The following TMED3 variants were observed in gnomAD, a reference collection of about 807,000 sequenced individuals.
The protein encoded by TMED3 is transmembrane emp24 domain-containing protein 3.
Under a neutral mutation model 15.0 loss-of-function variants are expected in TMED3, and 9 were observed. The ratio of observed to expected loss-of-function variants is 0.60; its 90% CI spans 0.36 to 1.04. The LOEUF (loss-of-function observed/expected upper bound fraction) is 1.04. Ranked by LOEUF, TMED3 falls within the 50% of genes least tolerant of loss-of-function variation. TMED3 has a pLI of 0.01. For missense variants in TMED3, 267 were observed against 278.9 expected, an observed-to-expected ratio of 0.96 and a Z score of 0.30; for synonymous variants, 117 against 121.4, an observed-to-expected ratio of 0.96 and a Z score of 0.24.
chr15:79,406,899 A>G (rs983613610), intron 2 of TMED3, among the ~76,000 whole-genome samples: 3 of 152,134 alleles, frequency 2.0e-5, no homozygotes, highest in African/African-American at 4.8e-5. Flanking sequence ...TGTCACATCA[A>G]TTTACTAGAG....
intron 2 of TMED3, among the ~76,000 whole-genome samples, chr15:79,339,702 G>A (rs996884218): frequency 1.3e-5 from 2 of 152,058 alleles, no homozygotes; most frequent in Admixed American, 1.3e-4. Flanking sequence ...GGTGATGGTA[G>A]TAATGGTGGT....
At chr15:79,357,296 G>A (rs1237047706) in intron 2 of TMED3, among the ~76,000 whole-genome samples, 1 of 151,306 alleles carries the variant, frequency 6.6e-6, no homozygotes, top group African/African-American at 2.4e-5. Flanking sequence ...ACCAGCCTGG[G>A]CCACATAGTG....
chr15:79,338,581 T>C (rs2058836424), intron 2 of TMED3, among the ~76,000 whole-genome samples: 1 of 152,224 alleles, frequency 6.6e-6, no homozygotes, highest in Non-Finnish European at 1.5e-5. Flanking sequence ...ATACCAGATA[T>C]AGATCTTAGA....
chr15:79,315,713 C>T (rs1323553446), intron 2 of TMED3, among the ~76,000 whole-genome samples: 1 of 152,210 alleles, frequency 6.6e-6, no homozygotes, highest in Non-Finnish European at 1.5e-5. Context: ...TGCTTAGCCT[C>T]AAAAGAGCCG....
intron 2 of TMED3, among the ~76,000 whole-genome samples, chr15:79,378,255 CATT>C (rs1178434430): frequency 2.0e-5 from 3 of 152,094 alleles, no homozygotes; most frequent in Admixed American, 2.0e-4. Context: ...ATTGATAAGT[CATT>C]ATTGAGTATT....
At chr15:79,349,125 A>C (rs541609177) in intron 2 of TMED3, among the ~76,000 whole-genome samples, 1 of 152,212 alleles carries the variant, frequency 6.6e-6, no homozygotes, top group Admixed American at 6.5e-5. Context: ...GGTGTGAGCC[A>C]CTGTGTCTGG....
chr15:79,375,906 C>T (rs1893415822), intron 2 of TMED3, among the ~76,000 whole-genome samples: 1 of 152,128 alleles, frequency 6.6e-6, no homozygotes, highest in Non-Finnish European at 1.5e-5. Context: ...GATGGTCAGA[C>T]CTGTTGTCCT....
intron 2 of TMED3, among the ~76,000 whole-genome samples, chr15:79,403,650 C>T (rs1344511567): frequency 6.6e-6 from 1 of 152,156 alleles, no homozygotes; most frequent in Non-Finnish European, 1.5e-5. Context: ...CCTACTAGTC[C>T]TGCTGGCATG....
intron 2 of TMED3, chr15:79,384,837 C>T (rs537011277): frequency 9.1e-4 from 138 of 152,206 alleles, no homozygotes; most frequent in African/African-American, 3.1e-3. Context: ...ACCTGGGTAA[C>T]ATAGTGAGAC....
At chr15:79,315,544 C>T (rs910077562) in intron 2 of TMED3, among the ~76,000 whole-genome samples, 2 of 152,148 alleles carry the variant, frequency 1.3e-5, no homozygotes, top group African/African-American at 4.8e-5. Flanking sequence ...GAAGAACTTC[C>T]CCCTTAACCA....
At chr15:79,353,199 T>TATAAAATTTTGTGTCTTTCAA (rs1304142449) in intron 2 of TMED3, among the ~76,000 whole-genome samples, 2 of 91,724 alleles carry the variant, frequency 2.2e-5, no homozygotes, top group Admixed American at 1.7e-4. Flanking sequence ...ATATAATATA[T>TATAAAATTTTGTGTCTTTCAA]AAAATATATA....
At chr15:79,406,839 A>T (rs4779080) in intron 2 of TMED3, among the ~76,000 whole-genome samples, 60,959 of 152,076 alleles carry the variant, frequency 0.4, 12,862 homozygotes, top group Middle Eastern at 0.57. Context: ...TGTTATGTTA[A>T]CACATCTTTC....
chr15:79,327,041 C>G (rs1421402600), downstream of TMED3, among the ~76,000 whole-genome samples: 1 of 152,090 alleles, frequency 6.6e-6, no homozygotes, highest in Non-Finnish European at 1.5e-5. Context: ...GTTTAGCAAC[C>G]AGCTCTTGTG....
At chr15:79,402,879 C>G (rs555730010) in intron 2 of TMED3, among the ~76,000 whole-genome samples, 1 of 152,146 alleles carries the variant, frequency 6.6e-6, no homozygotes, top group Admixed American at 6.5e-5. Context: ...TGAGCCCAGT[C>G]CTCACACTGC....
intron 2 of TMED3, among the ~76,000 whole-genome samples, chr15:79,369,983 T>A (rs1308395074): frequency 1.3e-5 from 2 of 152,262 alleles, no homozygotes; most frequent in Non-Finnish European, 2.9e-5. Flanking sequence ...GGGCATGCTT[T>A]GGTTTATAAA....
At position 79,322,332 on chromosome 15, in the gene TMED3, A is replaced by G. The variant is rs908342777; in HGVS notation, c.*118A>G. The G allele has an allele frequency of 1.9e-5, 29 of 1,500,358 alleles. No homozygotes were observed. In the African/African-American group the frequency reaches 2.1e-4, roughly 11 times the overall value. The allele number at this position is 1,500,358 out of a possible 1,614,324, so 92.9% of individuals were successfully genotyped here. A position where few individuals can be genotyped will look rare whatever the true frequency, so the allele number is the denominator to read the frequency against. On this transcript the variant is annotated 3_prime_UTR_variant, in exon 3 of 3. Transcript: ENST00000299705. ...GGAGGCAGAACGATGCTGCTGTGGT[A>G]GCCCTTTGCCTTTCATGCCCATGCT... is the stretch of plus-strand genomic sequence containing the variant.
chr15:79,366,555 T>C (rs1353460105), intron 2 of TMED3, among the ~76,000 whole-genome samples: 2 of 152,248 alleles, frequency 1.3e-5, no homozygotes, highest in East Asian at 1.9e-4. Flanking sequence ...CAGGGCGAGC[T>C]AGGTGCCTGG....
chr15:79,392,898 T>G (rs1893714947), intron 2 of TMED3, among the ~76,000 whole-genome samples: 1 of 152,204 alleles, frequency 6.6e-6, no homozygotes, highest in Non-Finnish European at 1.5e-5. Context: ...TCACTTCTGA[T>G]TCATCCTTCT....
intron 2 of TMED3, chr15:79,382,820 T>A: frequency 1.4e-6 from 1 of 707,480 alleles, no homozygotes; most frequent in Non-Finnish European, 2.4e-6. Context: ...TGTGAAGTAG[T>A]GTTTTCAGAT....
Sources: gnomAD v4.1 joint callset for allele counts (sites outside exome capture counted in the v4.1 genomes callset) on GRCh38, gnomAD v4.1.1 for gene constraint, MANE v1.5 for transcripts, NCBI Gene and HGNC (gene_info 2026-07-23, HGNC 2026-07-21) for gene names.